RFFL: variants seen among roughly 807,000 people sequenced by gnomAD.
RFFL encodes ring finger and FYVE like domain containing E3 ubiquitin protein ligase.
RFFL carries 16 observed loss-of-function variants against 40.4 expected under a neutral mutation model. The observed-to-expected ratio is 0.40, with a 90% CI of 0.27 to 0.60. The LOEUF is 0.60. Among genes scored for constraint, RFFL ranks in the 20% least tolerant of loss-of-function variants. RFFL has a pLI of 0.47. For synonymous variants in RFFL, 154 were observed against 167.9 expected (o/e 0.92, Z 0.64); for missense variants, 367 against 451.7 (o/e 0.81, Z 1.70).
intron 1 of RFFL, among the ~76,000 whole-genome samples, chr17:35,058,269 T>A (rs949174929): frequency 2.0e-5 from 3 of 152,078 alleles, no homozygotes; most frequent in Non-Finnish European, 4.4e-5. Context: ...AGAAAGGACA[T>A]AGAGTGTCTC....
chr17:35,080,736 A>G (rs1356957214), intron 1 of RFFL, among the ~76,000 whole-genome samples: 1 of 152,196 alleles, frequency 6.6e-6, no homozygotes, highest in Non-Finnish European at 1.5e-5. Context: ...GGACCAAGAC[A>G]GTTAAAATGT....
At chr17:35,038,415 A>G (rs1039617169) in intron 1 of RFFL, among the ~76,000 whole-genome samples, 8 of 152,224 alleles carry the variant, frequency 5.3e-5, no homozygotes, top group South Asian at 4.1e-4. Flanking sequence ...GCGCACCCAC[A>G]TCTCTTTCCA....
intron 1 of RFFL, among the ~76,000 whole-genome samples, chr17:35,047,782 C>A (rs2091208457): frequency 6.6e-6 from 1 of 151,038 alleles, no homozygotes; most frequent in African/African-American, 2.4e-5. Context: ...TACAGAGTCT[C>A]CCTCTGTCAC....
chr17:35,045,676 T>C (rs2091194854), intron 1 of RFFL, among the ~76,000 whole-genome samples: 2 of 152,108 alleles, frequency 1.3e-5, no homozygotes, highest in Non-Finnish European at 2.9e-5. Flanking sequence ...TATTAACTAA[T>C]GATAACAGCA....
intron 1 of RFFL, among the ~76,000 whole-genome samples, chr17:35,058,685 C>A (rs1399361386): frequency 6.6e-6 from 1 of 152,066 alleles, no homozygotes; most frequent in Non-Finnish European, 1.5e-5. Flanking sequence ...GCAAGAGAAT[C>A]ACTTGAACCC....
intron 1 of RFFL, among the ~76,000 whole-genome samples, chr17:35,081,677 T>G (rs1018066275): frequency 1.3e-5 from 2 of 152,232 alleles, no homozygotes; most frequent in Non-Finnish European, 2.9e-5. Flanking sequence ...CTTAAAAAAA[T>G]GTACCCTGGG....
chr17:35,033,878 C>A (rs1285590612), intron 1 of RFFL, among the ~76,000 whole-genome samples: 2 of 151,854 alleles, frequency 1.3e-5, no homozygotes, highest in Non-Finnish European at 2.9e-5. Flanking sequence ...CACAGTGGCT[C>A]AAGCCTGTAA....
intron 1 of RFFL, chr17:35,074,502 G>A (rs1157732272): frequency 6.6e-6 from 1 of 152,186 alleles, no homozygotes; most frequent in Non-Finnish European, 1.5e-5. Flanking sequence ...GACGGAGTGT[G>A]AGGCAGCTGT....
At chr17:35,049,477 T>C (rs1055401166) in intron 1 of RFFL, among the ~76,000 whole-genome samples, 1 of 152,084 alleles carries the variant, frequency 6.6e-6, no homozygotes, top group African/African-American at 2.4e-5. Context: ...ATGAATGCAA[T>C]AGAGCAGATT....
chr17:35,014,004 A>G (rs1446644098), intron 6 of RFFL, among the ~76,000 whole-genome samples: 3 of 152,160 alleles, frequency 2.0e-5, no homozygotes, highest in Non-Finnish European at 4.4e-5. Flanking sequence ...AAATCTTCTG[A>G]AATAAGTTTT....
intron 1 of RFFL, among the ~76,000 whole-genome samples, chr17:35,061,329 T>C (rs1272688976): frequency 6.6e-6 from 1 of 152,176 alleles, no homozygotes; most frequent in Admixed American, 6.5e-5. Flanking sequence ...CTAGAGGCAA[T>C]GCAGGTAAAA....
At chr17:35,030,608 T>C (rs1000026246) in intron 1 of RFFL, among the ~76,000 whole-genome samples, 2 of 151,926 alleles carry the variant, frequency 1.3e-5, no homozygotes, top group African/African-American at 4.8e-5. Flanking sequence ...CCAATTTTTG[T>C]ATTTTTAGTA....
intron 1 of RFFL, chr17:35,069,315 TA>T (rs1378995927): frequency 6.6e-6 from 3 of 456,582 alleles, no homozygotes; most frequent in Non-Finnish European, 8.8e-6. Context: ...TCCCCAAGTC[TA>T]GGGGGCCTTT....
intron 3 of RFFL, among the ~76,000 whole-genome samples, chr17:35,020,042 T>C (rs1354856177): frequency 2.0e-5 from 3 of 152,210 alleles, no homozygotes; most frequent in Non-Finnish European, 4.4e-5. Context: ...ATACCAGCTC[T>C]AAGTAACTCA....
At chr17:35,021,275 C>G in intron 3 of RFFL, 96 bp downstream of exon 3, 1 of 1,252,784 alleles carries the variant, frequency 8.0e-7, no homozygotes, top group Non-Finnish European at 1.1e-6. Flanking sequence ...AGACACTTAG[C>G]CTTATACCCC....
In RFFL at chr17:35,017,528, T is replaced by C. The variant is rs753895993; in HGVS notation, c.670A>G (p.Thr224Ala). The C allele has an allele frequency of 2.5e-6, 4 of 1,607,438 alleles. No homozygotes were observed. The African/African-American group carries it at 5.3e-5, about 21-fold the overall frequency. Reference protein sequence around the residue: ...SVARVPAEDETQSIDSEDSFV... With the variant: ...SVARVPAEDEAQSIDSEDSFV... ...GACCCAAGCAGAGGCCCCACCTGGG[T>C]CTCATCCTCAGCAGGTACTCTGGCC... The change falls in exon 4 of 7, where the codon ACC becomes GCC. Residue 224 changes from threonine to alanine, a missense_variant. By Grantham distance (58) the Thr-to-Ala change is moderately conservative. Coordinates refer to ENST00000394597, the MANE Select transcript of RFFL (RefSeq NM_001017368.2).
intron 1 of RFFL, among the ~76,000 whole-genome samples, chr17:35,041,667 T>A (rs1422796957): frequency 6.6e-6 from 1 of 151,834 alleles, no homozygotes; most frequent in Non-Finnish European, 1.5e-5. Context: ...ATACTTGAGA[T>A]GAGACCTGAA....
intron 6 of RFFL, among the ~76,000 whole-genome samples, chr17:35,013,669 G>A (rs1331631193): frequency 1.3e-5 from 2 of 152,178 alleles, no homozygotes; most frequent in South Asian, 2.1e-4. Flanking sequence ...TCCTAACAGA[G>A]GTTTGGAGAC....
chr17:35,043,790 C>T (rs769110587), intron 1 of RFFL, among the ~76,000 whole-genome samples: 1 of 152,100 alleles, frequency 6.6e-6, no homozygotes, highest in African/African-American at 2.4e-5. Context: ...AATAATCCTA[C>T]AAAAATCAGA....
Sources: gnomAD v4.1 joint callset for allele counts (sites outside exome capture counted in the v4.1 genomes callset) on GRCh38, gnomAD v4.1.1 for gene constraint, MANE v1.5 for transcripts, NCBI Gene and HGNC (gene_info 2026-07-23, HGNC 2026-07-21) for gene names.